Variants in NCOR1 observed in about 807,000 individuals in gnomAD.
NCOR1 encodes the protein nuclear receptor corepressor 1, also known as protein phosphatase 1, regulatory subunit 109.
In NCOR1, 63 loss-of-function variants were observed where a neutral mutation model predicts 288.1. The observed-to-expected ratio is 0.22, with a 90% confidence interval of 0.18 to 0.27. NCOR1 has a LOEUF of 0.27. Ranked by LOEUF, NCOR1 falls within the 10% of genes least tolerant of loss-of-function variation. The probability of loss-of-function intolerance (pLI) is 1.00; values close to 1 mark genes in which losing one functional copy is unlikely to be tolerated. For missense variants in NCOR1, 2,397 were observed against 3,019.2 expected, an observed-to-expected ratio of 0.79 and a Z score of 4.83; for synonymous variants, 1,007 against 1,065.9, an observed-to-expected ratio of 0.94 and a Z score of 1.08.
intron 14 of NCOR1, among the ~76,000 whole-genome samples, chr17:16,135,090 T>C (rs969172525): frequency 7.8e-6 from 1 of 128,896 alleles, no homozygotes; most frequent in Admixed American, 9.8e-5. Flanking sequence ...ACCCGGGAGG[T>C]GGAGCTTGCA....
At chr17:16,163,313 G>A (rs1184623364) in intron 5 of NCOR1, among the ~76,000 whole-genome samples, 5 of 152,054 alleles carry the variant, frequency 3.3e-5, no homozygotes, top group Admixed American at 2.6e-4. Context: ...AGAATTCTTA[G>A]AATAACAAAA....
chr17:16,130,064 T>C (rs1568224036), intron 14 of NCOR1, among the ~76,000 whole-genome samples: 1 of 152,122 alleles, frequency 6.6e-6, no homozygotes, highest in Non-Finnish European at 1.5e-5. Context: ...TCCAAAGAAA[T>C]GGACAGAGTT....
intron 6 of NCOR1, among the ~76,000 whole-genome samples, chr17:16,157,836 A>G (rs2080064496): frequency 6.6e-6 from 1 of 151,070 alleles, no homozygotes; most frequent in African/African-American, 2.4e-5. Flanking sequence ...TCTGGCCAAA[A>G]CTAACTTTGA....
rs2151854393 is a variant in NCOR1, at chr17:16,034,899, T to A, written c.7001A>T (p.Lys2334Ile). The stretch of plus-strand genomic sequence containing the variant: ...TTGCCCAGGTATAGGAGACTTAGAT[T>A]TCCTGCTGTTTGACTTGCTGATCAG... ...PKLISKSNSR[K>I]SKSPIPGQGY... The change falls in exon 45 of 46, where the codon AAA (lysine) becomes ATA (isoleucine). Residue 2334 changes from lysine to isoleucine, a missense_variant. Transcript: ENST00000268712. The A allele has an allele frequency of 1.2e-6, 2 of 1,614,152 alleles. No individual in the cohort carries two copies. The highest frequency in any genetic ancestry group is 4.5e-5 in the East Asian group (2 of 44,884).
In NCOR1 at chr17:16,165,165, T is replaced by C. The variant is rs1316860402; in HGVS notation, c.436-4A>G. ...GTTTGCCTCCGAATGCTGGATCCTT[T>C]AGAGAATAAAACCAAGAAAAACAAT... is the stretch of plus-strand genomic sequence containing the variant. On this transcript the variant is annotated splice_polypyrimidine_tract_variant and splice_region_variant and intron_variant, in intron 4 of 45. Transcript: ENST00000268712. The C allele has an allele frequency of 6.3e-7, 1 of 1,583,388 alleles. No homozygotes were observed. The highest frequency in any genetic ancestry group is 2.2e-5 in the East Asian group (1 of 44,464).
intron 8 of NCOR1, among the ~76,000 whole-genome samples, chr17:16,150,460 A>G (rs2078671836): frequency 1.3e-5 from 2 of 152,226 alleles, no homozygotes; most frequent in Non-Finnish European, 2.9e-5. Flanking sequence ...AAGCATTACC[A>G]TATACTCAGT....
chr17:16,122,966 C>T (rs2073293662), intron 15 of NCOR1, among the ~76,000 whole-genome samples: 2 of 152,282 alleles, frequency 1.3e-5, no homozygotes, highest in South Asian at 4.2e-4. Context: ...AGGCTCTCCC[C>T]TAGAGCCTTA....
intron 21 of NCOR1, among the ~76,000 whole-genome samples, chr17:16,093,792 A>G (rs950014355): frequency 2.6e-5 from 4 of 152,220 alleles, no homozygotes; most frequent in Admixed American, 2.6e-4. Flanking sequence ...TTTCTTATGC[A>G]GTCTTCTGTA....
At position 16,092,716 on chromosome 17, in the gene NCOR1, T is replaced by TA. The variant is rs1435461620; in HGVS notation, c.2821-659dup. On this transcript the variant is annotated intron_variant, in intron 21 of 45. Coordinates refer to ENST00000268712, the MANE Select transcript of NCOR1 (RefSeq NM_006311.4). ...ATATATTTTTTTTTTTTTTTTTTTT[T>TA]AAGACATAGTCTCACTCTGTTGCCC... 7.9e-5 allele frequency among the ~76,000 whole-genome samples: 8 copies of TA among 100,948 alleles called. 1 individual carries two copies. Among genetic ancestry groups the TA allele is most frequent in the South Asian group, 7.9e-4 (2 of 2,516 alleles). The allele number at this position is 100,948 out of a possible 152,430, so 66.2% of individuals were successfully genotyped here.
At chr17:16,180,578 T>A (rs2085195786) in intron 3 of NCOR1, among the ~76,000 whole-genome samples, 1 of 151,006 alleles carries the variant, frequency 6.6e-6, no homozygotes, top group African/African-American at 2.4e-5. Flanking sequence ...TGAGACCCTA[T>A]CTCTACAAAA....
chr17:16,163,744 A>C (rs1052451236), intron 5 of NCOR1, among the ~76,000 whole-genome samples: 2 of 152,236 alleles, frequency 1.3e-5, no homozygotes, highest in Non-Finnish European at 2.9e-5. Context: ...CAAAAAATGA[A>C]CACAACTCAA....
At chr17:16,185,455 G>A (rs866275291) in intron 3 of NCOR1, among the ~76,000 whole-genome samples, 2 of 151,792 alleles carry the variant, frequency 1.3e-5, no homozygotes, top group African/African-American at 4.8e-5. Flanking sequence ...AGGCCAAAGC[G>A]GGCAGATCAC....
rs149482223 is a variant in NCOR1 at position 16,126,329 on chromosome 17, G to T, written c.1510-123C>A. On this transcript the variant is annotated intron_variant, in intron 14 of 45. Transcript: ENST00000268712. ...TTGTTAGTCATTTACAATGTAACTG[G>T]TGATCGTGTGTTAAAAACCAGTCTA... 4.1e-6 allele frequency: 4 copies of T among 986,932 alleles called. No individual in the cohort carries two copies. The Admixed American group carries it at 8.5e-5, about 21-fold the overall frequency. 61.1% of individuals were successfully genotyped at this position (986,932 alleles called of 1,614,324 possible).
intron 25 of NCOR1, 80 bp from the exon 26 acceptor site, chr17:16,080,144 G>T: frequency 8.4e-7 from 1 of 1,186,784 alleles, no homozygotes. Flanking sequence ...CTACTTGGGA[G>T]AGTACTCAAC....
At chr17:16,034,997 C>A (rs900448121) in intron 44 of NCOR1, 53 bp from the exon 45 acceptor site, 28 of 1,534,978 alleles carry the variant, frequency 1.8e-5, no homozygotes, top group Non-Finnish European at 2.5e-5. Flanking sequence ...TCAAAAATTA[C>A]CAAAATGCTA....
intron 14 of NCOR1, among the ~76,000 whole-genome samples, chr17:16,127,598 TATAC>T (rs1303427585): frequency 6.8e-6 from 1 of 146,904 alleles, no homozygotes; most frequent in Non-Finnish European, 1.5e-5. Flanking sequence ...TATATGTATG[TATAC>T]ATACATATGT....
At chr17:16,036,801 T>C (rs1340437909) in intron 44 of NCOR1, among the ~76,000 whole-genome samples, 3 of 152,226 alleles carry the variant, frequency 2.0e-5, no homozygotes, top group African/African-American at 7.2e-5. Flanking sequence ...TGGTCTTCTA[T>C]CCAGACCACT....
At chr17:16,036,051 C>T (rs1325536110) in intron 44 of NCOR1, among the ~76,000 whole-genome samples, 6 of 152,168 alleles carry the variant, frequency 3.9e-5, no homozygotes, top group Admixed American at 6.5e-5. Flanking sequence ...TGCTCAGATC[C>T]GTCAGAGGAA....
At chr17:16,090,564 G>C (rs1043945562) in intron 22 of NCOR1, among the ~76,000 whole-genome samples, 2 of 152,118 alleles carry the variant, frequency 1.3e-5, no homozygotes, top group African/African-American at 4.8e-5. Flanking sequence ...TAGCGATTAA[G>C]AATTCCCTAG....
Sources: allele counts gnomAD v4.1 joint callset (sites outside exome capture counted in the v4.1 genomes callset), GRCh38; gene constraint gnomAD v4.1.1; transcripts MANE v1.5; gene names NCBI Gene and HGNC (gene_info 2026-07-23, HGNC 2026-07-21).